The following CAMK1D variants were observed in gnomAD, a reference collection of about 807,000 sequenced individuals.
The protein encoded by CAMK1D is calcium/calmodulin dependent protein kinase ID.
Under a neutral mutation model 47.7 loss-of-function variants are expected in CAMK1D, and 9 were observed. That is an observed-to-expected ratio of 0.19 (90% CI 0.11 to 0.33). The LOEUF (loss-of-function observed/expected upper bound fraction) is 0.33, where lower values mean the gene tolerates loss of function less well. Among genes scored for constraint, CAMK1D ranks in the 10% least tolerant of loss-of-function variants. The pLI is 1.00. For synonymous variants in CAMK1D, 184 were observed against 184.9 expected (o/e 0.99, Z 0.04); for missense variants, 291 against 488.7 (o/e 0.60, Z 3.81).
intron 2 of CAMK1D, among the ~76,000 whole-genome samples, chr10:12,618,106 G>T (rs906413359): frequency 1.3e-5 from 2 of 152,146 alleles, no homozygotes; most frequent in African/African-American, 4.8e-5. Flanking sequence ...ATTAGATCCA[G>T]TGGTTCATGA....
chr10:12,725,206 G>A (rs1380246072), intron 3 of CAMK1D: 3 of 154,054 alleles, frequency 1.9e-5, no homozygotes, highest in Non-Finnish European at 4.4e-5. Flanking sequence ...AACAGCAGGG[G>A]CTCTTTGTCA....
chr10:12,564,463 T>C (rs1320460204), intron 2 of CAMK1D, among the ~76,000 whole-genome samples: 1 of 152,192 alleles, frequency 6.6e-6, no homozygotes, highest in Non-Finnish European at 1.5e-5. Context: ...TTAACAAATT[T>C]CATTTCACAT....
intron 1 of CAMK1D, among the ~76,000 whole-genome samples, chr10:12,382,823 TCAAA>T (rs374489465): frequency 1.2e-4 from 19 of 152,084 alleles, no homozygotes; most frequent in African/African-American, 2.4e-4. Flanking sequence ...AGACTTCATC[TCAAA>T]CAAACAAACA....
chr10:12,594,537 C>A (rs957284510), intron 2 of CAMK1D, among the ~76,000 whole-genome samples: 1 of 152,212 alleles, frequency 6.6e-6, no homozygotes, highest in African/African-American at 2.4e-5. Context: ...GAATGTGGAA[C>A]CACCCACCAA....
intron 1 of CAMK1D, among the ~76,000 whole-genome samples, chr10:12,351,792 C>T (rs1033597378): frequency 6.6e-6 from 1 of 152,188 alleles, no homozygotes; most frequent in Non-Finnish European, 1.5e-5. Context: ...CTCTTGGACT[C>T]CAGCCATGTT....
chr10:12,537,966 G>A lies in CAMK1D; in HGVS notation c.93-15259G>A, dbSNP rs954008711. On this transcript the variant is annotated intron_variant, in intron 1 of 10. Coordinates refer to ENST00000619168, the MANE Select transcript of CAMK1D (RefSeq NM_153498.4). ...TTCTATGTAATTAAGCACGGCCAAG[G>A]CATTGGAACTCACTGACTGAATATC... Among the ~76,000 whole-genome samples the A allele has an allele frequency of 7.2e-5, 11 of 152,214 alleles. No individual in the cohort carries two copies. In the East Asian group the frequency reaches 2.1e-3, roughly 29 times the overall value.
chr10:12,799,592 C>T (rs1434947552), intron 6 of CAMK1D, among the ~76,000 whole-genome samples: 1 of 152,234 alleles, frequency 6.6e-6, no homozygotes, highest in East Asian at 1.9e-4. Context: ...TGGGTGTCTG[C>T]ACCCCTCATG....
intron 5 of CAMK1D, among the ~76,000 whole-genome samples, chr10:12,770,807 G>T (rs1837002519): frequency 6.6e-6 from 1 of 152,150 alleles, no homozygotes; most frequent in Non-Finnish European, 1.5e-5. Context: ...TAACCAGTTT[G>T]TGCGAAAGCC....
At chr10:12,495,978 C>A (rs1834526419) in intron 1 of CAMK1D, among the ~76,000 whole-genome samples, 1 of 152,064 alleles carries the variant, frequency 6.6e-6, no homozygotes, top group African/African-American at 2.4e-5. Context: ...CTTGTGTGCG[C>A]CACTGTGCCC....
In CAMK1D at chr10:12,832,484, G is replaced by C. The variant is rs1375846966; in HGVS notation, c.*3597G>C. On this transcript the variant is annotated 3_prime_UTR_variant, in exon 11 of 11. Coordinates refer to ENST00000619168, the MANE Select transcript of CAMK1D (RefSeq NM_153498.4). ...GTGTTAGAGAAATGGCAACCCCCAG[G>C]ACCATGCACGGCTCTGGCAGTGCAC... 2 of 152,194 alleles carry C rather than the reference G, an allele frequency of 1.3e-5. No homozygotes were observed. The highest frequency in any genetic ancestry group is 3.9e-4 in the East Asian group (2 of 5,172). The allele number at this position is 152,194 out of a possible 1,614,324, so 9.4% of individuals were successfully genotyped here.
intron 1 of CAMK1D, among the ~76,000 whole-genome samples, chr10:12,529,318 A>C (rs916007605): frequency 1.3e-5 from 2 of 152,194 alleles, no homozygotes; most frequent in African/African-American, 4.8e-5. Context: ...CCAGGTTGGC[A>C]CACTGGGGTC....
At chr10:12,455,389 G>T (rs1833212030) in intron 1 of CAMK1D, among the ~76,000 whole-genome samples, 1 of 152,140 alleles carries the variant, frequency 6.6e-6, no homozygotes, top group African/African-American at 2.4e-5. Context: ...GCCCAGGCTG[G>T]TGTCAAACTA....
At chr10:12,642,979 A>C (rs886119868) in intron 2 of CAMK1D, among the ~76,000 whole-genome samples, 2 of 152,012 alleles carry the variant, frequency 1.3e-5, no homozygotes, top group African/African-American at 4.8e-5. Context: ...TATTCTCCTG[A>C]CTAAATTACA....
At chr10:12,406,102 G>T (rs888442007) in intron 1 of CAMK1D, among the ~76,000 whole-genome samples, 3 of 152,106 alleles carry the variant, frequency 2.0e-5, no homozygotes, top group Non-Finnish European at 4.4e-5. Context: ...TGGCTTGTTG[G>T]GAAGAAAACA....
At chr10:12,645,492 C>G (rs1310979892) in intron 2 of CAMK1D, among the ~76,000 whole-genome samples, 1 of 152,152 alleles carries the variant, frequency 6.6e-6, no homozygotes, top group Non-Finnish European at 1.5e-5. Context: ...AGAATTGATT[C>G]AGTAAAACAA....
At chr10:12,769,297 A>G (rs1267046118) in intron 4 of CAMK1D, among the ~76,000 whole-genome samples, 1 of 152,146 alleles carries the variant, frequency 6.6e-6, no homozygotes, top group African/African-American at 2.4e-5. Flanking sequence ...TCACTCATAA[A>G]AAGGAGCAGA....
rs113744625 is a variant in CAMK1D at position 12,540,328 on chromosome 10, A to G, written c.93-12897A>G. Among the ~76,000 whole-genome samples, 739 of 152,278 alleles carry G rather than the reference A, an allele frequency of 4.9e-3. 4 individuals carry two copies. The highest frequency in any genetic ancestry group is 0.017 in the African/African-American group (716 of 41,554). On this transcript the variant is annotated intron_variant, in intron 1 of 10. Coordinates refer to ENST00000619168, the MANE Select transcript of CAMK1D (RefSeq NM_153498.4). ...AATGATTGACTCACTTTGGTTCCATATCAACCTTTAACAAATGGCATGAAA... is the reference window on the plus strand; with the variant it reads ...AATGATTGACTCACTTTGGTTCCATGTCAACCTTTAACAAATGGCATGAAA...
chr10:12,739,293 A>G (rs1332921824), intron 3 of CAMK1D, among the ~76,000 whole-genome samples: 1 of 151,926 alleles, frequency 6.6e-6, no homozygotes, highest in Non-Finnish European at 1.5e-5. Flanking sequence ...TCTCCCCCCG[A>G]GACAGAGTCT....
intron 2 of CAMK1D, among the ~76,000 whole-genome samples, chr10:12,607,169 A>G (rs933169392): frequency 2.0e-5 from 3 of 152,118 alleles, no homozygotes. Flanking sequence ...TCTCTCGTCC[A>G]TACGTGCAGC....
Sources: gnomAD v4.1 joint callset for allele counts (sites outside exome capture counted in the v4.1 genomes callset) on GRCh38, gnomAD v4.1.1 for gene constraint, MANE v1.5 for transcripts, NCBI Gene and HGNC (gene_info 2026-07-23, HGNC 2026-07-21) for gene names.